The following PDCD10 variants were observed in gnomAD, a reference collection of about 807,000 sequenced individuals.
The protein encoded by PDCD10 is programmed cell death 10, also known as programmed cell death protein 10.
Under a neutral mutation model 29.2 loss-of-function variants are expected in PDCD10, and 4 were observed. The observed-to-expected ratio is 0.14, with a 90% confidence interval of 0.07 to 0.31. The LOEUF (loss-of-function observed/expected upper bound fraction) is 0.31. PDCD10 is among the 10% of genes least tolerant of loss of function. The pLI, the probability that PDCD10 is intolerant of heterozygous loss-of-function variation, is 1.00. For synonymous variants in PDCD10, 70 were observed against 82.2 expected (o/e 0.85, Z 0.80); for missense variants, 183 against 257.9 (o/e 0.71, Z 1.99).
rs778703454 is a variant in PDCD10 at position 167,684,374 on chromosome 3, G to T, written c.573C>A (p.Phe191Leu). ...GATGAATTAGTCGGTTGGCACTTAC[G>T]AACACATTTATTGCCCTGTTTAAAA... ...YFKDGKAINV[F>L]VSANRLIHQT... is the part of the protein sequence containing the mutation. The change falls in exon 9 of 9, where the codon TTC (phenylalanine) becomes TTA (leucine). Residue 191 changes from phenylalanine to leucine, a missense_variant. Physicochemically the swap from Phe to Leu is conservative, Grantham distance 22 (BLOSUM62 0). Transcript: ENST00000392750. 2 of 1,596,262 alleles carry T rather than the reference G, an allele frequency of 1.3e-6. No individual in the cohort carries two copies. Among genetic ancestry groups the T allele is most frequent in the South Asian group, 1.1e-5 (1 of 90,666 alleles).
At chr3:167,715,743 AC>A (rs1722941459) in intron 3 of PDCD10, among the ~76,000 whole-genome samples, 1 of 151,912 alleles carries the variant, frequency 6.6e-6, no homozygotes, top group Non-Finnish European at 1.5e-5. Flanking sequence ...ATGGCTTTTA[AC>A]CAAAAGACAA....
rs1724064631 is a variant in PDCD10 at position 167,725,763 on chromosome 3, T to TATA, written c.-116-5491_-116-5490insTAT. 6.5e-5 allele frequency among the ~76,000 whole-genome samples: 5 copies of TATA among 77,164 alleles called. 1 individual carries two copies. The highest frequency in any genetic ancestry group is 7.7e-4 in the East Asian group (2 of 2,598). The allele number at this position is 77,164 out of a possible 152,430, so 50.6% of individuals were successfully genotyped here. Reference sequence around the variant, plus strand: ...ATATAGCACTTTACCATTGTATCGTTTATATATATATATATATATATATAT... The same window carrying TATA: ...ATATAGCACTTTACCATTGTATCGTTATATATATATATATATATATATATATAT... On this transcript the variant is annotated intron_variant, in intron 2 of 8. Transcript: ENST00000392750.
At chr3:167,701,438 C>T (rs2108426829) in intron 4 of PDCD10, among the ~76,000 whole-genome samples, 1 of 152,330 alleles carries the variant, frequency 6.6e-6, no homozygotes, top group East Asian at 1.9e-4. Context: ...CCTCTGGCCT[C>T]ACACTTCAGC....
chr3:167,731,705 T>C (rs1380844317), intron 2 of PDCD10, among the ~76,000 whole-genome samples: 7 of 152,200 alleles, frequency 4.6e-5, no homozygotes, highest in Admixed American at 1.3e-4. Flanking sequence ...AGGGAGCTTA[T>C]AGTCCAGTGA....
chr3:167,702,226 C>G (rs1189325442), intron 4 of PDCD10, among the ~76,000 whole-genome samples: 1 of 152,164 alleles, frequency 6.6e-6, no homozygotes, highest in Non-Finnish European at 1.5e-5. Context: ...TTCACCTTCT[C>G]TACTTCTGAC....
At chr3:167,703,902 T>A (rs562767436) in intron 4 of PDCD10, among the ~76,000 whole-genome samples, 2 of 152,218 alleles carry the variant, frequency 1.3e-5, no homozygotes, top group Admixed American at 6.5e-5. Flanking sequence ...AAATATTTAT[T>A]ACTAAGCTAG....
At chr3:167,722,062 TA>T (rs749420441) in intron 2 of PDCD10, among the ~76,000 whole-genome samples, 1 of 151,496 alleles carries the variant, frequency 6.6e-6, no homozygotes, top group African/African-American at 2.4e-5. Context: ...AACTTCATAA[TA>T]AAAAAAACCT....
At chr3:167,686,589 A>G (rs1719650091) in intron 8 of PDCD10, among the ~76,000 whole-genome samples, 1 of 152,196 alleles carries the variant, frequency 6.6e-6, no homozygotes, top group Non-Finnish European at 1.5e-5. Flanking sequence ...GTAGTTCTCA[A>G]TAGACCTGTA....
chr3:167,696,681 T>G (rs1720844519), intron 5 of PDCD10, among the ~76,000 whole-genome samples: 1 of 152,224 alleles, frequency 6.6e-6, no homozygotes, highest in Non-Finnish European at 1.5e-5. Flanking sequence ...AACTGTTGTT[T>G]GCTTAAAGTC....
chr3:167,719,471 C>T (rs998350467), intron 3 of PDCD10, among the ~76,000 whole-genome samples: 1 of 151,952 alleles, frequency 6.6e-6, no homozygotes, highest in Admixed American at 6.6e-5. Context: ...TAAAAGAAAA[C>T]CCCAAAATAT....
At chr3:167,714,093 T>C (rs1722776693) in intron 3 of PDCD10, among the ~76,000 whole-genome samples, 1 of 151,628 alleles carries the variant, frequency 6.6e-6, no homozygotes, top group Admixed American at 6.6e-5. Context: ...CAAAGACACA[T>C]CAAAAAAGGA....
intron 4 of PDCD10, among the ~76,000 whole-genome samples, chr3:167,699,972 C>T (rs1247642791): frequency 6.6e-6 from 1 of 152,090 alleles, no homozygotes; most frequent in African/African-American, 2.4e-5. Flanking sequence ...ATCCACTAGT[C>T]TATTTTAGTA....
chr3:167,688,660 CCTT>C (rs1331151877), intron 6 of PDCD10, among the ~76,000 whole-genome samples: 3 of 152,116 alleles, frequency 2.0e-5, no homozygotes, highest in Non-Finnish European at 4.4e-5. Context: ...CTGCGACAAA[CCTT>C]CTTTTTCACA....
intron 7 of PDCD10, 58 bp from the exon 8 acceptor site, chr3:167,687,374 A>C: frequency 9.5e-7 from 1 of 1,055,640 alleles, no homozygotes; most frequent in Non-Finnish European, 1.5e-6. Context: ...TAATCACAAA[A>C]GCCAAAGGCA....
At chr3:167,690,760 G>A (rs56887973) in intron 6 of PDCD10, among the ~76,000 whole-genome samples, 41,861 of 151,980 alleles carry the variant, frequency 0.28, 6,410 homozygotes, top group African/African-American at 0.41. Context: ...TGTATGCTAG[G>A]TTCTGTGCTA....
At chr3:167,712,211 A>T (rs1722590669) in intron 3 of PDCD10, among the ~76,000 whole-genome samples, 1 of 152,128 alleles carries the variant, frequency 6.6e-6, no homozygotes, top group Non-Finnish European at 1.5e-5. Context: ...TTTCAAGACA[A>T]ACCGTACAAT....
At chr3:167,713,453 C>T (rs1722719174) in intron 3 of PDCD10, among the ~76,000 whole-genome samples, 1 of 151,870 alleles carries the variant, frequency 6.6e-6, no homozygotes, top group African/African-American at 2.4e-5. Context: ...AAGTTTATAG[C>T]TTTAAGTGCC....
Position 167,721,559 on chromosome 3 carries a change from C to T in PDCD10, c.-116-1286G>A, listed in dbSNP as rs773931877. Among the ~76,000 whole-genome samples the T allele has an allele frequency of 2.0e-5, 3 of 152,284 alleles. No homozygotes were observed. In the South Asian group the frequency reaches 6.2e-4, roughly 32 times the overall value. ...TAAGACCTAACAAGACTGAAAGATA[C>T]AATCAAAGGCCTGCAGTGACGCTTC... On this transcript the variant is annotated intron_variant, in intron 2 of 8. Transcript: ENST00000392750.
chr3:167,733,397 C>T (rs1470624188), intron 2 of PDCD10, among the ~76,000 whole-genome samples: 1 of 152,210 alleles, frequency 6.6e-6, no homozygotes, highest in Non-Finnish European at 1.5e-5. Flanking sequence ...AAAGGCACTA[C>T]TTTCTGCAAG....
Sources: allele counts gnomAD v4.1 joint callset (sites outside exome capture counted in the v4.1 genomes callset), GRCh38; gene constraint gnomAD v4.1.1; transcripts MANE v1.5; gene names NCBI Gene and HGNC (gene_info 2026-07-23, HGNC 2026-07-21).